UBE2Z: variants seen among roughly 807,000 people sequenced by gnomAD.
The protein encoded by UBE2Z is ubiquitin-conjugating enzyme E2 Z.
In UBE2Z, 10 loss-of-function variants were observed where a neutral mutation model predicts 32.6. The ratio of observed to expected loss-of-function variants is 0.31; its 90% CI spans 0.19 to 0.52. UBE2Z has a LOEUF of 0.52. Ranked by LOEUF, UBE2Z falls within the 20% of genes least tolerant of loss-of-function variation. The pLI is 0.97. For missense variants in UBE2Z, 343 were observed against 480.9 expected (o/e 0.71, Z 2.68); for synonymous variants, 183 against 190.8 (o/e 0.96, Z 0.34).
chr17:48,927,200 G>A lies in UBE2Z; in HGVS notation c.*66G>A, dbSNP rs1052612318. The A allele has an allele frequency of 1.4e-5, 21 of 1,531,186 alleles. No individual in the cohort carries two copies. The highest frequency in any genetic ancestry group is 9.0e-5 in the Admixed American group (5 of 55,698). 94.8% of individuals were successfully genotyped at this position (1,531,186 alleles called of 1,614,324 possible). A position where few individuals can be genotyped will look rare whatever the true frequency, so the allele number is the denominator to read the frequency against. On this transcript the variant is annotated 3_prime_UTR_variant, in exon 7 of 7. Coordinates refer to ENST00000360943, the MANE Select transcript of UBE2Z (RefSeq NM_023079.5). The stretch of plus-strand genomic sequence containing the variant: ...GCAGAATCCCTTCCCCCCACCCCAG[G>A]GATGGAGAGGCACTGTGTATCTCCC...
In UBE2Z at chr17:48,927,028, T is replaced by TA; in HGVS notation, c.960dup (p.Arg321ThrfsTer10). On this transcript the variant is annotated frameshift_variant, in exon 7 of 7. Coordinates refer to ENST00000360943, the MANE Select transcript of UBE2Z (RefSeq NM_023079.5). LOFTEE classifies it high-confidence loss of function. ...TCCCTCTTGATGCGCCTGGGACTGATACGTCAGAAAGTGCTGGAGAGGCTC... is the reference window on the plus strand; with the variant it reads ...TCCCTCTTGATGCGCCTGGGACTGATAACGTCAGAAAGTGCTGGAGAGGCTC... 1.2e-6 allele frequency: 2 copies of TA among 1,613,794 alleles called. No individual in the cohort carries two copies. Among genetic ancestry groups the TA allele is most frequent in the Non-Finnish European group, 8.5e-7 (1 of 1,179,832 alleles).
At chr17:48,923,019 G>A in intron 6 of UBE2Z, 82 bp downstream of exon 6, 1 of 1,286,648 alleles carries the variant, frequency 7.8e-7, no homozygotes, top group Non-Finnish European at 1.1e-6. Context: ...ATCGACAGCT[G>A]TCATAGAATG....
chr17:48,912,802 T>C, intron 2 of UBE2Z, 32 bp from the exon 3 acceptor site: 1 of 1,611,548 alleles, frequency 6.2e-7, no homozygotes, highest in Non-Finnish European at 8.5e-7. Flanking sequence ...GGTCATCACC[T>C]CACAATTTTG....
chr17:48,910,014 C>CT (rs2143755872), intron 1 of UBE2Z, among the ~76,000 whole-genome samples: 1 of 152,258 alleles, frequency 6.6e-6, no homozygotes, highest in African/African-American at 2.4e-5. Context: ...TCTGACATAC[C>CT]TTTGAGTTTG....
At chr17:48,916,258 G>GTTTTTTTTTTTTTTTTTTTT (rs371253123) in intron 4 of UBE2Z, 71 bp downstream of exon 4, 24 of 418,970 alleles carry the variant, frequency 5.7e-5, no homozygotes, top group Non-Finnish European at 6.8e-5. Flanking sequence ...TGGTTTTTTT[G>GTTTTTTTTTTTTTTTTTTTT]TTTTTTTTTT....
At chr17:48,911,050 C>T in intron 2 of UBE2Z, 170 bp downstream of exon 2, 1 of 628,700 alleles carries the variant, frequency 1.6e-6, no homozygotes, top group Non-Finnish European at 2.9e-6. Context: ...TGGAGCAGCA[C>T]TTTGAAGAGG....
At chr17:48,921,503 C>T (rs2040758305) in intron 5 of UBE2Z, among the ~76,000 whole-genome samples, 1 of 152,132 alleles carries the variant, frequency 6.6e-6, no homozygotes. Flanking sequence ...GCTCAGGGAG[C>T]TTCCAGTTTG....
chr17:48,916,264 T>G (rs1345142345), intron 4 of UBE2Z, 77 bp downstream of exon 4: 22 of 701,920 alleles, frequency 3.1e-5, no homozygotes, highest in South Asian at 1.8e-4. Flanking sequence ...TTTTGTTTTT[T>G]TTTTTTTTTG....
chr17:48,923,521 A>G (rs570775316), intron 6 of UBE2Z, among the ~76,000 whole-genome samples: 2 of 151,814 alleles, frequency 1.3e-5, no homozygotes, highest in South Asian at 2.1e-4. Context: ...AATCCCGGCT[A>G]CTTGGGAGGC....
intron 1 of UBE2Z, chr17:48,910,357 C>T (rs548899862): frequency 6.0e-6 from 1 of 165,820 alleles, no homozygotes; most frequent in African/African-American, 2.4e-5. Context: ...CAATAAAGGT[C>T]CACTGTATAG....
intron 3 of UBE2Z, among the ~76,000 whole-genome samples, chr17:48,914,523 C>T (rs2040705445): frequency 6.6e-6 from 1 of 152,178 alleles, no homozygotes; most frequent in Admixed American, 6.5e-5. Flanking sequence ...TAGGCTAAAA[C>T]CCATGATGAT....
rs185363950 is a variant in UBE2Z at position 48,913,784 on chromosome 17, T to C, written c.578+763T>C. Reference sequence around the variant, plus strand: ...GAGAAAGGCTGCAGGTCTGTGCCATTCAAGATTTGGGGTGTCTTAATTTGA... The same window carrying C: ...GAGAAAGGCTGCAGGTCTGTGCCATCCAAGATTTGGGGTGTCTTAATTTGA... On this transcript the variant is annotated intron_variant, in intron 3 of 6. Transcript: ENST00000360943. Among the ~76,000 whole-genome samples the C allele has an allele frequency of 1.4e-4, 22 of 152,358 alleles. No homozygotes were observed. In the East Asian group the frequency reaches 4.2e-3, roughly 29 times the overall value.
At chr17:48,913,102 C>T (rs2040692097) in intron 3 of UBE2Z, 81 bp downstream of exon 3, 1 of 1,364,028 alleles carries the variant, frequency 7.3e-7, no homozygotes, top group Non-Finnish European at 1.0e-6. Context: ...CGGAGTCCCT[C>T]ATCTGAACTA....
chr17:48,910,585 C>A, intron 1 of UBE2Z: 1 of 448,484 alleles, frequency 2.2e-6, no homozygotes, highest in Non-Finnish European at 4.0e-6. Flanking sequence ...TCCCCTCCCC[C>A]TGAGGAAACA....
chr17:48,922,292 C>T (rs1322947961), intron 5 of UBE2Z, among the ~76,000 whole-genome samples: 1 of 152,046 alleles, frequency 6.6e-6, no homozygotes, highest in East Asian at 1.9e-4. Context: ...GAGGCTGAAG[C>T]ATGAGAATCA....
chr17:48,925,775 T>A (rs2040793600), intron 6 of UBE2Z, among the ~76,000 whole-genome samples: 1 of 152,106 alleles, frequency 6.6e-6, no homozygotes, highest in Non-Finnish European at 1.5e-5. Context: ...TGGAGCTCAG[T>A]CTTGAGGGAG....
Position 48,908,433 on chromosome 17 carries a change from G to A in UBE2Z, c.-71G>A, listed in dbSNP as rs2040645134. On this transcript the variant is annotated 5_prime_UTR_variant, in exon 1 of 7. Coordinates refer to ENST00000360943, the MANE Select transcript of UBE2Z (RefSeq NM_023079.5). Reference sequence around the variant, plus strand: ...CTCTGGCCCGGTTCTCGGTGGTGCGGGAGCGGGCGGGAGCAGCGGCCGCTC... The same window carrying A: ...CTCTGGCCCGGTTCTCGGTGGTGCGAGAGCGGGCGGGAGCAGCGGCCGCTC... The A allele has an allele frequency of 2.5e-6, 3 of 1,188,450 alleles. No homozygotes were observed. The African/African-American group carries it at 4.8e-5, about 19-fold the overall frequency. 73.6% of individuals were successfully genotyped at this position (1,188,450 alleles called of 1,614,324 possible).
At chr17:48,912,611 C>A in intron 2 of UBE2Z, 1 of 515,466 alleles carries the variant, frequency 1.9e-6, no homozygotes, top group Non-Finnish European at 3.5e-6. Flanking sequence ...TAGAAGTAAC[C>A]CCTGAGTAAG....
intron 4 of UBE2Z, among the ~76,000 whole-genome samples, chr17:48,919,723 C>T (rs1441620331): frequency 6.6e-6 from 1 of 151,730 alleles, no homozygotes; most frequent in Non-Finnish European, 1.5e-5. Context: ...AGCGATCCGC[C>T]TGCATCGGCT....
Sources: gnomAD v4.1 joint callset for allele counts (sites outside exome capture counted in the v4.1 genomes callset) on GRCh38, gnomAD v4.1.1 for gene constraint, MANE v1.5 for transcripts, NCBI Gene and HGNC (gene_info 2026-07-23, HGNC 2026-07-21) for gene names.